Variants in GNAQ observed in about 807,000 individuals in gnomAD.
GNAQ encodes the protein G protein subunit alpha q.
A neutral mutation model predicts 43.9 loss-of-function variants in GNAQ; 8 were observed. That is an observed-to-expected ratio of 0.18 (90% CI 0.11 to 0.33). The LOEUF is 0.33. Among genes scored for constraint, GNAQ ranks in the 10% least tolerant of loss-of-function variants. The pLI is 1.00. For synonymous variants in GNAQ, 155 were observed against 170.7 expected, an observed-to-expected ratio of 0.91 and a Z score of 0.71; for missense variants, 158 against 450.8, an observed-to-expected ratio of 0.35 and a Z score of 5.88.
intron 1 of GNAQ, chr9:78,030,461 C>A: frequency 2.1e-6 from 1 of 465,842 alleles, no homozygotes; most frequent in Non-Finnish European, 4.5e-6. Context: ...CCTCCCGCCT[C>A]GCCCCCAGTA....
chr9:77,862,867 T>C (rs1827877507), intron 2 of GNAQ, among the ~76,000 whole-genome samples: 1 of 152,218 alleles, frequency 6.6e-6, no homozygotes, highest in Non-Finnish European at 1.5e-5. Context: ...AAGTCACTTC[T>C]TGAAGGCTTT....
intron 1 of GNAQ, among the ~76,000 whole-genome samples, chr9:78,016,790 G>C (rs533652329): frequency 6.6e-6 from 1 of 152,196 alleles, no homozygotes; most frequent in South Asian, 2.1e-4. Context: ...GGCATGTTTT[G>C]TAATTTTGTT....
chr9:77,831,867 A>G (rs1827303323), intron 2 of GNAQ, among the ~76,000 whole-genome samples: 1 of 152,228 alleles, frequency 6.6e-6, no homozygotes, highest in Non-Finnish European at 1.5e-5. Context: ...GTATCTATAT[A>G]CCTGCCTTCA....
intron 2 of GNAQ, among the ~76,000 whole-genome samples, chr9:77,919,792 TTA>T (rs1334799849): frequency 1.3e-5 from 2 of 152,148 alleles, no homozygotes; most frequent in Non-Finnish European, 2.9e-5. Flanking sequence ...TTGTAACGTT[TTA>T]TGATGTCAAT....
chr9:77,748,993 C>T (rs1366405269), intron 5 of GNAQ, among the ~76,000 whole-genome samples: 2 of 152,288 alleles, frequency 1.3e-5, no homozygotes, highest in East Asian at 3.9e-4. Flanking sequence ...ATATTTCTGG[C>T]TGGGACACTG....
chr9:77,877,372 C>T (rs1371451353), intron 2 of GNAQ, among the ~76,000 whole-genome samples: 8 of 152,286 alleles, frequency 5.3e-5, no homozygotes, highest in Non-Finnish European at 4.4e-5. Flanking sequence ...GTAGCTCCTT[C>T]ACCACCCCAT....
intron 2 of GNAQ, among the ~76,000 whole-genome samples, chr9:77,826,542 C>G (rs1310823097): frequency 6.6e-6 from 1 of 152,220 alleles, no homozygotes; most frequent in East Asian, 1.9e-4. Flanking sequence ...AACAAGGGAA[C>G]TGAGGCACGC....
At chr9:78,022,357 A>T (rs919678203) in intron 1 of GNAQ, among the ~76,000 whole-genome samples, 1 of 152,184 alleles carries the variant, frequency 6.6e-6, no homozygotes, top group Non-Finnish European at 1.5e-5. Context: ...CTCATTCTAC[A>T]GGTTTTTATA....
At chr9:77,767,020 C>A (rs1408848756) in intron 5 of GNAQ, among the ~76,000 whole-genome samples, 2 of 152,096 alleles carry the variant, frequency 1.3e-5, no homozygotes, top group African/African-American at 2.4e-5. Context: ...AGATTTTGGA[C>A]AAACTAAATT....
At chr9:77,934,552 C>G (rs1346747688) in intron 1 of GNAQ, among the ~76,000 whole-genome samples, 2 of 152,128 alleles carry the variant, frequency 1.3e-5, no homozygotes, top group South Asian at 2.1e-4. Flanking sequence ...AAGCAATGAT[C>G]TAGGAAGTCT....
In GNAQ at chr9:77,744,428, T is replaced by G. The variant is rs1825699986; in HGVS notation, c.736-15761A>C. Among the ~76,000 whole-genome samples the G allele has an allele frequency of 7.9e-5, 12 of 152,202 alleles. No homozygotes were observed. In the South Asian group the frequency reaches 2.3e-3, roughly 29 times the overall value. On this transcript the variant is annotated intron_variant, in intron 5 of 6. Transcript: ENST00000286548. ...TTTTTCCTGGGCACTTATAACTATA[T>G]TCTTACAAATACGCAATGTGACTCT...
chr9:77,918,029 C>T (rs1027238207), intron 2 of GNAQ, among the ~76,000 whole-genome samples: 43 of 152,144 alleles, frequency 2.8e-4, no homozygotes, highest in African/African-American at 9.9e-4. Context: ...CAGCACCCTC[C>T]GGCCAGCTAA....
chr9:77,876,154 A>G (rs1036179729), intron 2 of GNAQ, among the ~76,000 whole-genome samples: 4 of 152,248 alleles, frequency 2.6e-5, no homozygotes, highest in South Asian at 2.1e-4. Flanking sequence ...TGAAGCAGAA[A>G]AAGAACTGGC....
intron 2 of GNAQ, among the ~76,000 whole-genome samples, chr9:77,869,230 T>G (rs1339002151): frequency 6.6e-6 from 1 of 152,198 alleles, no homozygotes; most frequent in Non-Finnish European, 1.5e-5. Flanking sequence ...GAAATTTAGC[T>G]GTCTAATTAG....
At chr9:77,852,101 T>C (rs994955303) in intron 2 of GNAQ, among the ~76,000 whole-genome samples, 1 of 152,130 alleles carries the variant, frequency 6.6e-6, no homozygotes, top group African/African-American at 2.4e-5. Context: ...AAAAAGAACA[T>C]GAAAGAGGAA....
chr9:77,774,155 ACT>A (rs930140707), intron 5 of GNAQ, among the ~76,000 whole-genome samples: 12 of 152,206 alleles, frequency 7.9e-5, no homozygotes, highest in East Asian at 1.9e-4. Flanking sequence ...TAAGCTTTAC[ACT>A]CTCTGCATTT....
chr9:77,771,207 A>G (rs1826217350), intron 5 of GNAQ, among the ~76,000 whole-genome samples: 1 of 152,126 alleles, frequency 6.6e-6, no homozygotes, highest in South Asian at 2.1e-4. Context: ...GTAAGTTGAC[A>G]GTCTATTTAA....
chr9:77,858,454 C>T (rs956382240), intron 2 of GNAQ, among the ~76,000 whole-genome samples: 1 of 152,244 alleles, frequency 6.6e-6, no homozygotes, highest in African/African-American at 2.4e-5. Context: ...ACTGCCAGAT[C>T]GTAAGTTGTT....
At chr9:78,000,220 T>A (rs573307195) in intron 1 of GNAQ, among the ~76,000 whole-genome samples, 16 of 152,136 alleles carry the variant, frequency 1.1e-4, no homozygotes, top group Admixed American at 1.0e-3. Flanking sequence ...TTTAAAACTA[T>A]AGGGAAATCA....
Sources: gnomAD v4.1 joint callset for allele counts (sites outside exome capture counted in the v4.1 genomes callset) on GRCh38, gnomAD v4.1.1 for gene constraint, MANE v1.5 for transcripts, NCBI Gene and HGNC (gene_info 2026-07-23, HGNC 2026-07-21) for gene names.